Variants in CTNNA2 observed in about 807,000 individuals in gnomAD.
The protein encoded by CTNNA2 is catenin alpha 2.
In CTNNA2, 42 loss-of-function variants were observed where a neutral mutation model predicts 101.0. The ratio of observed to expected loss-of-function variants is 0.42; its 90% confidence interval spans 0.32 to 0.54. The LOEUF (loss-of-function observed/expected upper bound fraction) is 0.54, where lower values mean the gene tolerates loss of function less well. CTNNA2 is among the 20% of genes least tolerant of loss of function. The probability of loss-of-function intolerance (pLI) is 0.14; values close to 1 mark genes in which losing one functional copy is unlikely to be tolerated. For missense variants in CTNNA2, 871 were observed against 1,223.1 expected, an observed-to-expected ratio of 0.71 and a Z score of 4.29; for synonymous variants, 450 against 456.4, an observed-to-expected ratio of 0.99 and a Z score of 0.18.
At chr2:79,993,496 G>A (rs1043747158) in intron 7 of CTNNA2, among the ~76,000 whole-genome samples, 5 of 152,206 alleles carry the variant, frequency 3.3e-5, no homozygotes, top group African/African-American at 1.2e-4. Flanking sequence ...CATCAAAGAT[G>A]CAGTATACAG....
intron 4 of CTNNA2, among the ~76,000 whole-genome samples, chr2:79,446,580 C>T (rs909490061): frequency 1.3e-5 from 2 of 152,004 alleles, no homozygotes; most frequent in Non-Finnish European, 2.9e-5. Flanking sequence ...CTGCTCAAAG[C>T]CTTCTGGTGG....
chr2:79,318,553 C>A (rs920855812), intron 3 of CTNNA2, among the ~76,000 whole-genome samples: 1 of 152,124 alleles, frequency 6.6e-6, no homozygotes, highest in Non-Finnish European at 1.5e-5. Flanking sequence ...TTATTATGTG[C>A]TTATATCATT....
intron 3 of CTNNA2, among the ~76,000 whole-genome samples, chr2:79,782,771 C>T (rs1384136312): frequency 1.3e-5 from 2 of 152,106 alleles, no homozygotes; most frequent in Non-Finnish European, 2.9e-5. Flanking sequence ...TTGAGCAGCA[C>T]AAGCCCTACT....
At chr2:80,107,972 C>T (rs1008696263) in intron 7 of CTNNA2, among the ~76,000 whole-genome samples, 1 of 152,112 alleles carries the variant, frequency 6.6e-6, no homozygotes, top group Non-Finnish European at 1.5e-5. Flanking sequence ...ATGAAGGGGT[C>T]GAGAAAAACT....
intron 7 of CTNNA2, among the ~76,000 whole-genome samples, chr2:80,177,016 C>T (rs1215375016): frequency 6.6e-6 from 1 of 152,108 alleles, no homozygotes; most frequent in African/African-American, 2.4e-5. Flanking sequence ...CATACACAGC[C>T]TTCTAGAGAA....
chr2:80,634,914 C>T (rs919345415), intron 18 of CTNNA2, among the ~76,000 whole-genome samples: 11 of 151,948 alleles, frequency 7.2e-5, no homozygotes, highest in Admixed American at 3.3e-4. Context: ...GAGGCATGCA[C>T]GAGGGTCAGG....
chr2:80,301,491 T>C (rs543062165), intron 7 of CTNNA2, among the ~76,000 whole-genome samples: 10 of 152,288 alleles, frequency 6.6e-5, no homozygotes, highest in Non-Finnish European at 1.5e-4. Flanking sequence ...TGTTTCGTGT[T>C]CCTAGGAGAA....
At chr2:80,628,003 C>A (rs752931464) in intron 18 of CTNNA2, among the ~76,000 whole-genome samples, 24 of 152,050 alleles carry the variant, frequency 1.6e-4, no homozygotes, top group Non-Finnish European at 2.8e-4. Context: ...TGAGTGAACT[C>A]CCATTCACAA....
At chr2:79,206,250 A>G (rs1192749876) in intron 2 of CTNNA2, among the ~76,000 whole-genome samples, 2 of 151,948 alleles carry the variant, frequency 1.3e-5, no homozygotes, top group African/African-American at 4.8e-5. Flanking sequence ...TTCGGCAATT[A>G]TGGAAAAAAA....
At chr2:79,380,000 A>T (rs573741550) in intron 4 of CTNNA2, among the ~76,000 whole-genome samples, 2 of 152,318 alleles carry the variant, frequency 1.3e-5, no homozygotes, top group Non-Finnish European at 2.9e-5. Flanking sequence ...TTATGTCCAC[A>T]TTCAAGACAG....
chr2:79,601,603 A>G (rs539925914), intron 1 of CTNNA2, among the ~76,000 whole-genome samples: 7 of 152,372 alleles, frequency 4.6e-5, no homozygotes, highest in African/African-American at 1.7e-4. Flanking sequence ...TGGTTGGAAC[A>G]ACAGCATTTA....
At chr2:79,242,221 T>C (rs1674636708) in intron 2 of CTNNA2, among the ~76,000 whole-genome samples, 1 of 152,158 alleles carries the variant, frequency 6.6e-6, no homozygotes, top group African/African-American at 2.4e-5. Flanking sequence ...GGGTAATTTC[T>C]TTTAACATTT....
intron 1 of CTNNA2, among the ~76,000 whole-genome samples, chr2:79,599,003 C>A (rs992528226): frequency 6.6e-6 from 1 of 152,018 alleles, no homozygotes; most frequent in Admixed American, 6.6e-5. Flanking sequence ...TATATCTAGA[C>A]CGCTTTTTTT....
At chr2:79,344,833 T>C (rs1355505942) in intron 3 of CTNNA2, among the ~76,000 whole-genome samples, 2 of 145,980 alleles carry the variant, frequency 1.4e-5, no homozygotes, top group Non-Finnish European at 3.0e-5. Context: ...ATATATAATA[T>C]ATATAATACA....
At chr2:79,616,864 T>C (rs984570676) in intron 1 of CTNNA2, among the ~76,000 whole-genome samples, 2 of 152,084 alleles carry the variant, frequency 1.3e-5, no homozygotes, top group African/African-American at 4.8e-5. Context: ...TTTGTCATTT[T>C]CCCCTCTTCT....
At chr2:80,086,270 T>A (rs1312075301) in intron 7 of CTNNA2, among the ~76,000 whole-genome samples, 2 of 152,118 alleles carry the variant, frequency 1.3e-5, no homozygotes, top group Non-Finnish European at 2.9e-5. Context: ...CACTCATGTT[T>A]AAGGGCAGTT....
intron 3 of CTNNA2, among the ~76,000 whole-genome samples, chr2:79,757,461 T>C (rs978261079): frequency 3.3e-5 from 5 of 152,208 alleles, no homozygotes; most frequent in South Asian, 2.1e-4. Flanking sequence ...ATACCCTTTT[T>C]TGAAGTCTAA....
intron 7 of CTNNA2, among the ~76,000 whole-genome samples, chr2:80,267,571 T>C (rs962531017): frequency 2.0e-5 from 3 of 152,150 alleles, no homozygotes; most frequent in East Asian, 1.9e-4. Flanking sequence ...TGGAATGAAA[T>C]TGCCACCTGG....
chr2:80,021,099 A>G (rs1173955953), intron 7 of CTNNA2, among the ~76,000 whole-genome samples: 1 of 146,164 alleles, frequency 6.8e-6, no homozygotes, highest in African/African-American at 2.6e-5. Flanking sequence ...GGCTCACTGC[A>G]ACCTCCACCT....
Sources: gnomAD v4.1 joint callset for allele counts (sites outside exome capture counted in the v4.1 genomes callset) on GRCh38, gnomAD v4.1.1 for gene constraint, MANE v1.5 for transcripts, NCBI Gene and HGNC (gene_info 2026-07-23, HGNC 2026-07-21) for gene names.